The following ERBB4 variants were observed in gnomAD, a reference collection of about 807,000 sequenced individuals.
ERBB4 encodes erb-b2 receptor tyrosine kinase 4.
A neutral mutation model predicts 158.0 loss-of-function variants in ERBB4; 42 were observed. That is an observed-to-expected ratio of 0.27 (90% CI 0.21 to 0.34). The LOEUF (loss-of-function observed/expected upper bound fraction) is 0.34, where lower values mean the gene tolerates loss of function less well. Ranked by LOEUF, ERBB4 falls within the 10% of genes least tolerant of loss-of-function variation. The probability of loss-of-function intolerance (pLI) is 1.00; values close to 1 mark genes in which losing one functional copy is unlikely to be tolerated. For missense variants in ERBB4, 1,333 were observed against 1,624.1 expected (o/e 0.82, Z 3.08); for synonymous variants, 583 against 558.7 (o/e 1.04, Z -0.61).
intron 3 of ERBB4, among the ~76,000 whole-genome samples, chr2:211,815,114 A>C (rs2076855103): frequency 6.6e-6 from 1 of 152,240 alleles, no homozygotes; most frequent in Non-Finnish European, 1.5e-5. Context: ...CTATAAGAAC[A>C]GTCTTCACAA....
chr2:212,201,915 T>C (rs2082596536), intron 1 of ERBB4, among the ~76,000 whole-genome samples: 1 of 152,208 alleles, frequency 6.6e-6, no homozygotes, highest in African/African-American at 2.4e-5. Flanking sequence ...TGAATTATTT[T>C]ATTTACATAT....
intron 12 of ERBB4, among the ~76,000 whole-genome samples, chr2:211,680,607 A>T (rs555833556): frequency 1.3e-5 from 2 of 152,344 alleles, no homozygotes; most frequent in East Asian, 3.9e-4. Context: ...CTTCTCTAAC[A>T]TATGCTTGAC....
intron 3 of ERBB4, among the ~76,000 whole-genome samples, chr2:211,796,054 T>C (rs1254137760): frequency 6.6e-6 from 1 of 151,866 alleles, no homozygotes; most frequent in Non-Finnish European, 1.5e-5. Flanking sequence ...TAGATGTGCA[T>C]TATCATATTC....
chr2:211,425,965 C>T (rs182433133), intron 22 of ERBB4, among the ~76,000 whole-genome samples: 15 of 152,142 alleles, frequency 9.9e-5, no homozygotes, highest in East Asian at 7.7e-4. Flanking sequence ...ATTACAAGCA[C>T]GAGACACCGT....
chr2:212,425,136 G>T (rs1443108758), intron 1 of ERBB4, among the ~76,000 whole-genome samples: 1 of 151,334 alleles, frequency 6.6e-6, no homozygotes, highest in African/African-American at 2.4e-5. Flanking sequence ...CTAAAGTCAA[G>T]AATTTAATTT....
intron 2 of ERBB4, among the ~76,000 whole-genome samples, chr2:212,098,649 A>ATTTCTTTTCC (rs1309399947): frequency 1.3e-5 from 2 of 152,116 alleles, no homozygotes; most frequent in African/African-American, 4.8e-5. Flanking sequence ...TCCAATTAGA[A>ATTTCTTTTCC]AATTCCCAGT....
intron 3 of ERBB4, among the ~76,000 whole-genome samples, chr2:211,832,309 AT>A (rs1229483150): frequency 6.6e-6 from 1 of 152,134 alleles, no homozygotes. Flanking sequence ...ACTGAGAATA[AT>A]TTTTTATATC....
At chr2:212,314,855 C>T (rs546992305) in intron 1 of ERBB4, among the ~76,000 whole-genome samples, 4 of 151,334 alleles carry the variant, frequency 2.6e-5, no homozygotes, top group African/African-American at 9.7e-5. Context: ...TCTTTCATTA[C>T]TTTCCATTGC....
At chr2:211,937,326 T>TA (rs1245851808) in intron 3 of ERBB4, among the ~76,000 whole-genome samples, 2 of 152,094 alleles carry the variant, frequency 1.3e-5, no homozygotes, top group African/African-American at 4.8e-5. Context: ...ATAATTTTTT[T>TA]AAAAAAACTT....
intron 1 of ERBB4, among the ~76,000 whole-genome samples, chr2:212,198,229 C>T (rs902149332): frequency 2.2e-4 from 34 of 152,090 alleles, no homozygotes; most frequent in African/African-American, 7.9e-4. Context: ...AACATATTTA[C>T]CATTTTATCC....
At chr2:212,229,869 G>A (rs924962698) in intron 1 of ERBB4, among the ~76,000 whole-genome samples, 4 of 152,100 alleles carry the variant, frequency 2.6e-5, no homozygotes, top group African/African-American at 9.7e-5. Context: ...TTTGGATGGC[G>A]GTCCTATTAA....
intron 1 of ERBB4, among the ~76,000 whole-genome samples, chr2:212,146,752 G>C (rs192882385): frequency 2.7e-4 from 41 of 152,258 alleles, no homozygotes; most frequent in Admixed American, 2.4e-3. Context: ...AATTCTGTGA[G>C]TGCAGTGGAG....
chr2:211,997,121 T>C (rs1161659431), intron 2 of ERBB4, among the ~76,000 whole-genome samples: 4 of 134,786 alleles, frequency 3.0e-5, no homozygotes, highest in Non-Finnish European at 5.4e-5. Flanking sequence ...ATGTATCTAG[T>C]GTCTTGCATT....
rs1215048952 is a variant in ERBB4 at position 211,987,341 on chromosome 2, A to AAAAAAAAAAAAAG, written c.235-39726_235-39725insCTTTTTTTTTTTT. ...ATCTCAAGAAAAGACAAAAAAAAAAAAAAGAAAGAAATCTATCACCCATGA... is the reference window on the plus strand; with the variant it reads ...ATCTCAAGAAAAGACAAAAAAAAAAAAAAAAAAAAAAAGAAAGAAAGAAATCTATCACCCATGA... On this transcript the variant is annotated intron_variant, in intron 2 of 27. Transcript: ENST00000342788. Among the ~76,000 whole-genome samples, 79 of 124,388 alleles carry AAAAAAAAAAAAAG rather than the reference A, an allele frequency of 6.4e-4. 1 individual carries two copies. The highest frequency in any genetic ancestry group is 2.0e-3 in the South Asian group (7 of 3,552). 81.6% of individuals were successfully genotyped at this position (124,388 alleles called of 152,430 possible).
intron 12 of ERBB4, among the ~76,000 whole-genome samples, chr2:211,692,029 G>T (rs1389456401): frequency 6.6e-6 from 1 of 152,150 alleles, no homozygotes; most frequent in Admixed American, 6.6e-5. Flanking sequence ...TGACTTGAAG[G>T]TATATTTGAA....
chr2:211,570,354 A>C (rs2067685884), intron 19 of ERBB4, among the ~76,000 whole-genome samples: 1 of 116,756 alleles, frequency 8.6e-6, no homozygotes, highest in African/African-American at 3.4e-5. Context: ...CTCAGTAGAG[A>C]CAAGGTTTTA....
chr2:212,315,540 T>C (rs1159058662), intron 1 of ERBB4, among the ~76,000 whole-genome samples: 1 of 151,484 alleles, frequency 6.6e-6, no homozygotes, highest in Non-Finnish European at 1.5e-5. Context: ...GCTGGCAAAA[T>C]AGTAATAATA....
Position 211,738,508 on chromosome 2 carries a change from A to ACT in ERBB4, c.622+12130_622+12131insAG, listed in dbSNP as rs1290183251. The stretch of plus-strand genomic sequence containing the variant: ...CTCAGCCTCTTGAGTAGCTGGGACT[A>ACT]CAGGTGTCTCTGCCACCACACTCAG... On this transcript the variant is annotated intron_variant, in intron 5 of 27. Transcript: ENST00000342788. Among the ~76,000 whole-genome samples the ACT allele has an allele frequency of 2.6e-5, 4 of 151,596 alleles. 1 individual carries two copies. The highest frequency in any genetic ancestry group is 9.7e-5 in the African/African-American group (4 of 41,300).
intron 1 of ERBB4, among the ~76,000 whole-genome samples, chr2:212,509,172 G>A (rs1691364152): frequency 6.6e-6 from 1 of 152,024 alleles, no homozygotes; most frequent in African/African-American, 2.4e-5. Flanking sequence ...TGATGTGTAA[G>A]TAATTAAAAA....
Sources: gnomAD v4.1 joint callset for allele counts (sites outside exome capture counted in the v4.1 genomes callset) on GRCh38, gnomAD v4.1.1 for gene constraint, MANE v1.5 for transcripts, NCBI Gene and HGNC (gene_info 2026-07-23, HGNC 2026-07-21) for gene names.